Variants in FAM184A observed in about 807,000 individuals in gnomAD.
FAM184A encodes family with sequence similarity 184 member A, also known as protein FAM184A.
In FAM184A, 99 loss-of-function variants were observed where a neutral mutation model predicts 143.8. The observed-to-expected ratio is 0.69, with a 90% CI of 0.58 to 0.81. The LOEUF (loss-of-function observed/expected upper bound fraction) is 0.81, where lower values mean the gene tolerates loss of function less well. Among genes scored for constraint, FAM184A ranks in the 40% least tolerant of loss-of-function variants. The pLI, the probability that FAM184A is intolerant of heterozygous loss-of-function variation, is 0.00. For missense variants in FAM184A, 1,217 were observed against 1,310.5 expected (o/e 0.93, Z 1.10); for synonymous variants, 427 against 446.4 (o/e 0.96, Z 0.55).
intron 1 of FAM184A, among the ~76,000 whole-genome samples, chr6:119,132,147 T>A (rs1789550117): frequency 6.6e-6 from 1 of 152,248 alleles, no homozygotes; most frequent in Non-Finnish European, 1.5e-5. Context: ...TTTATTTCTG[T>A]TTTGAAATAA....
At chr6:119,018,325 C>T (rs530711634) in intron 4 of FAM184A, among the ~76,000 whole-genome samples, 1 of 152,096 alleles carries the variant, frequency 6.6e-6, no homozygotes, top group South Asian at 2.1e-4. Flanking sequence ...ACAACAACCC[C>T]AGAGGAAATT....
chr6:119,134,955 C>T (rs1173995025), intron 1 of FAM184A, among the ~76,000 whole-genome samples: 1 of 152,196 alleles, frequency 6.6e-6, no homozygotes, highest in Non-Finnish European at 1.5e-5. Flanking sequence ...TTGCATTTTG[C>T]ATATTGGAGA....
At chr6:119,003,409 CTAT>C in intron 8 of FAM184A, 89 bp downstream of exon 8, 1 of 1,204,404 alleles carries the variant, frequency 8.3e-7, no homozygotes, top group Non-Finnish European at 1.1e-6. Context: ...AATACTGCTA[CTAT>C]GTCTTTAACA....
chr6:119,089,218 T>A (rs1332561015), intron 1 of FAM184A, among the ~76,000 whole-genome samples: 4 of 137,656 alleles, frequency 2.9e-5, no homozygotes, highest in Admixed American at 7.1e-5. Flanking sequence ...TTTTTTATTT[T>A]TTTGAGACAG....
At chr6:119,106,349 T>C (rs6569043) in intron 1 of FAM184A, among the ~76,000 whole-genome samples, 92,714 of 151,784 alleles carry the variant, frequency 0.61, 29,064 homozygotes, top group East Asian at 0.96. Flanking sequence ...GATGAGATTG[T>C]GCCACTGCAC....
In FAM184A at chr6:119,024,415, T is replaced by A. The variant is rs761449529; in HGVS notation, c.558A>T (p.Ala186=). Residue 186 remains alanine, a synonymous_variant, in exon 2 of 18, where the codon GCA becomes GCT. Coordinates refer to ENST00000338891, the MANE Select transcript of FAM184A (RefSeq NM_024581.6). ...TGTGAGCAGCTTGCAAGTCTTCCAA[T>A]GCCAATCGTTTGTCTTTTTCAAACT... ...QVQFEKDKRL[A]LEDLQAAHRR... 1 of 1,614,196 alleles carries A rather than the reference T, an allele frequency of 6.2e-7. No homozygotes were observed. Among genetic ancestry groups the A allele is most frequent in the South Asian group, 1.1e-5 (1 of 91,090 alleles).
At chr6:119,122,855 G>A (rs1351314474) in intron 1 of FAM184A, among the ~76,000 whole-genome samples, 2 of 135,812 alleles carry the variant, frequency 1.5e-5, no homozygotes, top group East Asian at 4.3e-4. Context: ...AACCTGGGAG[G>A]TGGAGGTTGC....
Position 119,003,893 on chromosome 6 carries a change from CTTAA to C in FAM184A, c.1816-275_1816-272del, listed in dbSNP as rs776262000. On this transcript the variant is annotated intron_variant, in intron 7 of 17. Coordinates refer to ENST00000338891, the MANE Select transcript of FAM184A (RefSeq NM_024581.6). Reference sequence around the variant, plus strand: ...ATAGTTTAAAGTCAGCATTAATCATCTTAATTACACTTTCCATATATTAGGTATC... The same window carrying C: ...ATAGTTTAAAGTCAGCATTAATCATCTTACACTTTCCATATATTAGGTATC... Among the ~76,000 whole-genome samples the C allele has an allele frequency of 3.1e-4, 47 of 152,182 alleles. 1 individual carries two copies. Among genetic ancestry groups the C allele is most frequent in the Admixed American group, 8.5e-4 (13 of 15,276 alleles).
intron 1 of FAM184A, among the ~76,000 whole-genome samples, chr6:119,124,883 A>G (rs1488085927): frequency 6.6e-6 from 1 of 152,178 alleles, no homozygotes; most frequent in Non-Finnish European, 1.5e-5. Context: ...TATGTAGCTG[A>G]TGAGAGAGAT....
chr6:118,991,751 CTTTTTT>C (rs61476918), intron 9 of FAM184A, among the ~76,000 whole-genome samples: 1 of 42,376 alleles, frequency 2.4e-5, no homozygotes, highest in Non-Finnish European at 4.0e-5. Context: ...CCTGAGAGGA[CTTTTTT>C]TTTTTTTTTT....
intron 15 of FAM184A, 84 bp downstream of exon 15, chr6:118,966,751 A>G: frequency 1.7e-6 from 1 of 590,790 alleles, no homozygotes; most frequent in Non-Finnish European, 3.0e-6. Context: ...TTCACTTAGC[A>G]TTACTTAAAA....
intron 1 of FAM184A, among the ~76,000 whole-genome samples, chr6:119,117,092 G>A (rs1438443110): frequency 6.6e-6 from 1 of 152,208 alleles, no homozygotes; most frequent in African/African-American, 2.4e-5. Context: ...ACCAGCAGGG[G>A]ACACGATTGC....
chr6:118,985,517 A>G (rs1409233955), intron 9 of FAM184A, among the ~76,000 whole-genome samples: 1 of 152,188 alleles, frequency 6.6e-6, no homozygotes, highest in East Asian at 1.9e-4. Context: ...TCAAAGTGGC[A>G]TTTATAAGGT....
intron 1 of FAM184A, among the ~76,000 whole-genome samples, chr6:119,112,601 AC>A (rs1337331908): frequency 1.3e-5 from 2 of 151,698 alleles, no homozygotes; most frequent in Non-Finnish European, 2.9e-5. Context: ...ATTGATTTCC[AC>A]CCCCACACTT....
chr6:119,126,570 C>T (rs1007748440), intron 1 of FAM184A, among the ~76,000 whole-genome samples: 1 of 152,194 alleles, frequency 6.6e-6, no homozygotes, highest in African/African-American at 2.4e-5. Context: ...TCTGTGCAGG[C>T]CCCATGGCAA....
At chr6:118,982,197 A>C (rs1293068999) in intron 9 of FAM184A, among the ~76,000 whole-genome samples, 2 of 152,246 alleles carry the variant, frequency 1.3e-5, no homozygotes, top group Non-Finnish European at 2.9e-5. Context: ...CTAGAAAGAA[A>C]AAATAAACCA....
At chr6:118,960,763 C>A (rs1416396971) in intron 17 of FAM184A, 2 of 1,356,670 alleles carry the variant, frequency 1.5e-6, no homozygotes, top group South Asian at 2.3e-5. Context: ...ACAAAAGAAT[C>A]CCTACCGTCT....
intron 17 of FAM184A, among the ~76,000 whole-genome samples, chr6:118,961,376 A>T (rs1783319145): frequency 6.6e-6 from 1 of 150,870 alleles, no homozygotes; most frequent in African/African-American, 2.4e-5. Context: ...AAGGGAAAAA[A>T]ATAAACATAT....
chr6:119,146,340 T>C (rs939159379), intron 1 of FAM184A, among the ~76,000 whole-genome samples: 7 of 151,638 alleles, frequency 4.6e-5, no homozygotes, highest in Non-Finnish European at 7.4e-5. Context: ...ACAAGACTGC[T>C]AGAAATGAGA....
Sources: gnomAD v4.1 joint callset for allele counts (sites outside exome capture counted in the v4.1 genomes callset) on GRCh38, gnomAD v4.1.1 for gene constraint, MANE v1.5 for transcripts, NCBI Gene and HGNC (gene_info 2026-07-23, HGNC 2026-07-21) for gene names.